The following PTK2 variants were observed in gnomAD, a reference collection of about 807,000 sequenced individuals.
The protein encoded by PTK2 is protein tyrosine kinase 2.
Under a neutral mutation model 150.1 loss-of-function variants are expected in PTK2, and 45 were observed. That is an observed-to-expected ratio of 0.30 (90% CI 0.24 to 0.38). PTK2 has a LOEUF of 0.38. Among genes scored for constraint, PTK2 ranks in the 10% least tolerant of loss-of-function variants. The pLI, the probability that PTK2 is intolerant of heterozygous loss-of-function variation, is 1.00. For synonymous variants in PTK2, 432 were observed against 449.2 expected, an observed-to-expected ratio of 0.96 and a Z score of 0.48; for missense variants, 919 against 1,307.3, an observed-to-expected ratio of 0.70 and a Z score of 4.58.
intron 21 of PTK2, among the ~76,000 whole-genome samples, chr8:140,736,164 C>T (rs778826148): frequency 1.6e-4 from 24 of 152,194 alleles, no homozygotes; most frequent in Non-Finnish European, 2.9e-4. Flanking sequence ...AAATGTAGTA[C>T]ATATATGCCA....
chr8:140,893,204 A>C (rs549505109), intron 2 of PTK2, among the ~76,000 whole-genome samples: 1 of 152,272 alleles, frequency 6.6e-6, no homozygotes, highest in Admixed American at 6.5e-5. Flanking sequence ...CTGTACTCCC[A>C]GCTACTTGGG....
chr8:140,714,282 C>T (rs1447156946), intron 23 of PTK2, among the ~76,000 whole-genome samples: 1 of 152,010 alleles, frequency 6.6e-6, no homozygotes. Flanking sequence ...ACTAATTAAG[C>T]TACATTAAAA....
intron 24 of PTK2, 32 bp from the exon 28 acceptor site, chr8:140,702,739 C>T (rs1385750739): frequency 6.2e-7 from 1 of 1,605,396 alleles, no homozygotes; most frequent in African/African-American, 1.3e-5. Context: ...AGGTAATGTT[C>T]AACTATAACA....
At chr8:140,771,370 GT>G (rs1259023207) in intron 14 of PTK2, 2 of 152,180 alleles carry the variant, frequency 1.3e-5, no homozygotes, top group Non-Finnish European at 2.9e-5. Flanking sequence ...ACTCATTCAT[GT>G]ACTCAAAGCT....
At chr8:140,701,260 A>T (rs2100030249) in intron 25 of PTK2, among the ~76,000 whole-genome samples, 1 of 152,218 alleles carries the variant, frequency 6.6e-6, no homozygotes. Context: ...GTCTATTTTA[A>T]AGAAATAACA....
At chr8:140,867,638 G>A (rs547852465) in intron 4 of PTK2, among the ~76,000 whole-genome samples, 1 of 152,148 alleles carries the variant, frequency 6.6e-6, no homozygotes, top group African/African-American at 2.4e-5. Flanking sequence ...TGGGAGGAGG[G>A]AGAGGATCAG....
chr8:140,967,737 C>T (rs1010648330), intron 1 of PTK2, among the ~76,000 whole-genome samples: 1 of 152,070 alleles, frequency 6.6e-6, no homozygotes, highest in Non-Finnish European at 1.5e-5. Context: ...GGATTACAGA[C>T]GTGAGCCACC....
At chr8:140,991,470 T>C (rs997349206) in intron 1 of PTK2, among the ~76,000 whole-genome samples, 1 of 152,228 alleles carries the variant, frequency 6.6e-6, no homozygotes, top group African/African-American at 2.4e-5. Flanking sequence ...GCATAAAACA[T>C]TCAAAATCCC....
intron 4 of PTK2, among the ~76,000 whole-genome samples, chr8:140,874,532 T>C (rs960150554): frequency 2.0e-5 from 3 of 152,162 alleles, no homozygotes; most frequent in African/African-American, 4.8e-5. Context: ...TTTACATATC[T>C]AATACAGGAG....
chr8:140,719,810 C>T (rs1048787347), intron 22 of PTK2, among the ~76,000 whole-genome samples: 36 of 143,460 alleles, frequency 2.5e-4, no homozygotes, highest in African/African-American at 7.1e-4. Flanking sequence ...CGCTTGAGTC[C>T]GGGAGGTGGA....
chr8:140,735,032 A>G, intron 22 of PTK2: 1 of 576,442 alleles, frequency 1.7e-6, no homozygotes, highest in Non-Finnish European at 3.1e-6. Flanking sequence ...AGATTTGACC[A>G]TAATTGGAGC....
Position 140,793,395 on chromosome 8 carries a change from A to G in PTK2, c.1094-11T>C, listed in dbSNP as rs1274654041. 1.9e-6 allele frequency: 3 copies of G among 1,609,028 alleles called. No individual in the cohort carries two copies. The Admixed American group carries it at 5.1e-5, about 27-fold the overall frequency. On this transcript the variant is annotated splice_polypyrimidine_tract_variant and intron_variant, in intron 12 of 31. Coordinates refer to ENST00000522684, the Ensembl canonical transcript of PTK2. ...AAGCCCGTTCACCTTCTGCGGGGAAAAAGAAAAGAGATGCATAAGGCTCTT... is the reference window on the plus strand; with the variant it reads ...AAGCCCGTTCACCTTCTGCGGGGAAGAAGAAAAGAGATGCATAAGGCTCTT...
chr8:140,881,985 C>T (rs552873255), intron 3 of PTK2, among the ~76,000 whole-genome samples: 36 of 152,262 alleles, frequency 2.4e-4, no homozygotes, highest in Middle Eastern at 3.4e-3. Flanking sequence ...TACAGTAGTA[C>T]CTCATGAGCA....
chr8:140,917,749 TTA>T (rs1348828004), intron 2 of PTK2, among the ~76,000 whole-genome samples: 1 of 152,150 alleles, frequency 6.6e-6, no homozygotes, highest in Non-Finnish European at 1.5e-5. Context: ...AAAACTGACA[TTA>T]TGTCTGTGAA....
intron 12 of PTK2, among the ~76,000 whole-genome samples, chr8:140,800,059 T>C (rs1297500059): frequency 2.0e-5 from 3 of 152,216 alleles, no homozygotes; most frequent in Non-Finnish European, 4.4e-5. Flanking sequence ...TGCTCTAAGC[T>C]TTTGAGATAT....
chr8:140,714,703 A>C (rs2100038631), intron 23 of PTK2, among the ~76,000 whole-genome samples: 1 of 145,964 alleles, frequency 6.9e-6, no homozygotes, highest in African/African-American at 2.5e-5. Context: ...GGCCTGAGGC[A>C]GGACAATTGC....
intron 29 of PTK2, among the ~76,000 whole-genome samples, chr8:140,673,057 A>G (rs907604048): frequency 6.6e-6 from 1 of 151,972 alleles, no homozygotes; most frequent in Non-Finnish European, 1.5e-5. Context: ...TCTTAACCTG[A>G]TATGACATTT....
intron 27 of PTK2, among the ~76,000 whole-genome samples, chr8:140,686,286 C>G (rs546691766): frequency 3.3e-5 from 5 of 152,232 alleles, no homozygotes; most frequent in African/African-American, 9.6e-5. Flanking sequence ...GATCAAAACA[C>G]TACCTATCAG....
chr8:140,801,588 C>T (rs1470616387), intron 11 of PTK2, among the ~76,000 whole-genome samples: 4 of 152,152 alleles, frequency 2.6e-5, no homozygotes, highest in Non-Finnish European at 5.9e-5. Context: ...TATCTACTTC[C>T]TTGGTTGTGA....
Sources: allele counts gnomAD v4.1 joint callset (sites outside exome capture counted in the v4.1 genomes callset), GRCh38; gene constraint gnomAD v4.1.1; transcripts MANE v1.5; gene names NCBI Gene and HGNC (gene_info 2026-07-23, HGNC 2026-07-21).